Variants in LRRIQ3 observed in about 807,000 individuals in gnomAD.
LRRIQ3 encodes leucine-rich repeat and IQ domain-containing protein 3.
Under a neutral mutation model 59.3 loss-of-function variants are expected in LRRIQ3, and 75 were observed. The observed-to-expected ratio is 1.26, with a 90% CI of 1.05 to 1.53. The LOEUF (loss-of-function observed/expected upper bound fraction) is 1.53, where lower values mean the gene tolerates loss of function less well. Ranked by LOEUF, LRRIQ3 falls within the 40% of genes most tolerant of loss-of-function variation. The pLI is 0.00. For synonymous variants in LRRIQ3, 250 were observed against 231.3 expected, an observed-to-expected ratio of 1.08 and a Z score of -0.73; for missense variants, 831 against 710.0, an observed-to-expected ratio of 1.17 and a Z score of -1.94.
At chr1:74,108,023 T>C (rs1011903269) in intron 5 of LRRIQ3, among the ~76,000 whole-genome samples, 1 of 151,778 alleles carries the variant, frequency 6.6e-6, no homozygotes, top group African/African-American at 2.4e-5. Flanking sequence ...TATAACTTTA[T>C]ACATACTAAA....
intron 6 of LRRIQ3, among the ~76,000 whole-genome samples, chr1:74,066,444 C>G (rs1205048681): frequency 6.6e-6 from 1 of 151,938 alleles, no homozygotes; most frequent in East Asian, 1.9e-4. Flanking sequence ...ATACAATAGA[C>G]ACATTTTTTG....
At chr1:74,064,292 C>T (rs1654810892) in intron 6 of LRRIQ3, among the ~76,000 whole-genome samples, 1 of 151,814 alleles carries the variant, frequency 6.6e-6, no homozygotes, top group South Asian at 2.1e-4. Context: ...TACATCATTT[C>T]ATTACTCCAA....
intron 5 of LRRIQ3, among the ~76,000 whole-genome samples, chr1:74,107,751 A>C (rs866317289): frequency 4.0e-5 from 6 of 151,258 alleles, no homozygotes; most frequent in Admixed American, 1.3e-4. Context: ...AAATAATTTT[A>C]ATTACTTTAA....
chr1:74,059,674 G>T (rs1654644858), intron 6 of LRRIQ3, among the ~76,000 whole-genome samples: 1 of 151,990 alleles, frequency 6.6e-6, no homozygotes, highest in African/African-American at 2.4e-5. Flanking sequence ...TCATTTGGTT[G>T]TTGGAAATCC....
chr1:74,042,072 C>T, intron 6 of LRRIQ3, 139 bp from the exon 7 acceptor site: 1 of 806,024 alleles, frequency 1.2e-6, no homozygotes, highest in Non-Finnish European at 1.7e-6. Context: ...ACCTTTTCAA[C>T]TTGTGATTTA....
intron 6 of LRRIQ3, among the ~76,000 whole-genome samples, chr1:74,070,250 G>T (rs1461277694): frequency 6.6e-6 from 1 of 152,052 alleles, no homozygotes; most frequent in Non-Finnish European, 1.5e-5. Flanking sequence ...ATGGTAGACT[G>T]TATAAAAAAA....
chr1:74,123,114 G>C (rs1646884013), intron 4 of LRRIQ3, among the ~76,000 whole-genome samples: 1 of 151,990 alleles, frequency 6.6e-6, no homozygotes, highest in South Asian at 2.1e-4. Flanking sequence ...TTCAACTTCT[G>C]TGTTAATTTT....
At chr1:74,027,115 G>A in intron 7 of LRRIQ3, 146 bp from the exon 8 acceptor site, 3 of 530,162 alleles carry the variant, frequency 5.7e-6, no homozygotes, top group Non-Finnish European at 9.7e-6. Flanking sequence ...TATATAACTT[G>A]GTTATATCAT....
At chr1:74,102,971 T>C (rs1373017994) in intron 5 of LRRIQ3, among the ~76,000 whole-genome samples, 1 of 152,004 alleles carries the variant, frequency 6.6e-6, no homozygotes, top group Non-Finnish European at 1.5e-5. Context: ...CAATATTGCT[T>C]CCTTGGACCT....
chr1:74,112,734 T>G (rs1646716363), intron 4 of LRRIQ3, among the ~76,000 whole-genome samples: 1 of 152,120 alleles, frequency 6.6e-6, no homozygotes, highest in East Asian at 1.9e-4. Context: ...TGGTGCACGC[T>G]CTGAGGAGCA....
intron 4 of LRRIQ3, among the ~76,000 whole-genome samples, chr1:74,116,036 C>T (rs1294752573): frequency 1.3e-5 from 2 of 151,858 alleles, no homozygotes; most frequent in Admixed American, 1.3e-4. Flanking sequence ...CCAAAATATA[C>T]ATTCTTTCTT....
chr1:74,031,787 G>T (rs934450924), intron 7 of LRRIQ3, among the ~76,000 whole-genome samples: 9 of 151,908 alleles, frequency 5.9e-5, no homozygotes, highest in Non-Finnish European at 7.4e-5. Context: ...AAAAGTCTTA[G>T]AGAATGAGAA....
intron 4 of LRRIQ3, among the ~76,000 whole-genome samples, chr1:74,121,105 G>A (rs1320410578): frequency 1.3e-5 from 2 of 152,044 alleles, no homozygotes; most frequent in African/African-American, 4.8e-5. Context: ...CAATATTATA[G>A]TCTTGTTCAT....
intron 5 of LRRIQ3, chr1:74,095,072 C>T (rs1413988305): frequency 6.6e-6 from 1 of 152,030 alleles, no homozygotes; most frequent in Non-Finnish European, 1.5e-5. Flanking sequence ...TAGGAACTTT[C>T]CAAAAGTAAA....
At chr1:74,067,708 G>C (rs561490736) in intron 6 of LRRIQ3, among the ~76,000 whole-genome samples, 2 of 151,990 alleles carry the variant, frequency 1.3e-5, no homozygotes, top group East Asian at 3.9e-4. Flanking sequence ...CAATTTAATG[G>C]AAGTTACTAT....
intron 6 of LRRIQ3, among the ~76,000 whole-genome samples, chr1:74,064,859 A>G (rs1247578922): frequency 6.6e-6 from 1 of 152,024 alleles, no homozygotes; most frequent in East Asian, 1.9e-4. Context: ...TCAAAATTCT[A>G]TCTTAATATT....
intron 4 of LRRIQ3, among the ~76,000 whole-genome samples, chr1:74,133,458 A>C (rs546928783): frequency 6.6e-6 from 1 of 152,080 alleles, no homozygotes; most frequent in Non-Finnish European, 1.5e-5. Context: ...ACTTGGAACC[A>C]ACCCAAATGT....
At chr1:74,142,446 A>T (rs1570196779) in intron 4 of LRRIQ3, among the ~76,000 whole-genome samples, 1 of 151,938 alleles carries the variant, frequency 6.6e-6, no homozygotes, top group Admixed American at 6.6e-5. Context: ...CACCACACCC[A>T]GTCCACTTCA....
At chr1:74,069,819 G>A (rs1414879152) in intron 6 of LRRIQ3, among the ~76,000 whole-genome samples, 4 of 152,032 alleles carry the variant, frequency 2.6e-5, no homozygotes, top group African/African-American at 9.7e-5. Flanking sequence ...CTCCAAGACA[G>A]TAGGATTTCA....
Sources: gnomAD v4.1 joint callset for allele counts (sites outside exome capture counted in the v4.1 genomes callset) on GRCh38, gnomAD v4.1.1 for gene constraint, MANE v1.5 for transcripts, NCBI Gene and HGNC (gene_info 2026-07-23, HGNC 2026-07-21) for gene names.